RPE65: variants seen among roughly 807,000 people sequenced by gnomAD.
RPE65 encodes retinoid isomerohydrolase RPE65, also known as retinoid isomerohydrolase.
RPE65 carries 58 observed loss-of-function variants against 68.5 expected under a neutral mutation model. The observed-to-expected ratio is 0.85, with a 90% confidence interval of 0.69 to 1.05. The LOEUF is 1.05. Ranked by LOEUF, RPE65 falls within the 50% of genes least tolerant of loss-of-function variation. The pLI is 0.00. For synonymous variants in RPE65, 220 were observed against 222.2 expected (o/e 0.99, Z 0.09); for missense variants, 643 against 629.9 (o/e 1.02, Z -0.22).
At chr1:68,437,111 G>T (rs1007423689) in intron 10 of RPE65, among the ~76,000 whole-genome samples, 3 of 152,106 alleles carry the variant, frequency 2.0e-5, no homozygotes, top group African/African-American at 7.2e-5. Context: ...ATCTAATCAT[G>T]TCCTAAAATA....
chr1:68,440,889 C>G lies in RPE65; in HGVS notation c.607G>C (p.Ala203Pro). 6.2e-7 allele frequency: 1 copy of G among 1,613,956 alleles called. No individual in the cohort carries two copies. The highest frequency in any genetic ancestry group is 8.5e-7 in the Non-Finnish European group (1 of 1,179,912). ...GGTGGGATCTTTACAATGTTGTAGG[C>G]AATTGAAAAATTTTTTCCAAAGCAA... ...GNCFGKNFSI[A>P]YNIVKIPPLQ... Residue 203 changes from alanine (A) to proline (P), a missense_variant, in exon 6 of 14, where the codon GCC (alanine) becomes CCC (proline). Ala to Pro is a conservative substitution (Grantham distance 27). Transcript: ENST00000262340.
At chr1:68,439,380 CA>C in intron 7 of RPE65, 57 bp from the exon 8 acceptor site, 1 of 1,608,770 alleles carries the variant, frequency 6.2e-7, no homozygotes, top group Admixed American at 1.7e-5. Context: ...AAGCCACAGA[CA>C]AATTTGTATA....
chr1:68,439,394 T>C, intron 7 of RPE65, 71 bp from the exon 8 acceptor site: 1 of 1,600,572 alleles, frequency 6.2e-7, no homozygotes, highest in Non-Finnish European at 8.5e-7. Flanking sequence ...TTTGTATATA[T>C]GTGGTATGCT....
At chr1:68,439,743 A>T in intron 6 of RPE65, 101 bp from the exon 7 acceptor site, 1 of 923,966 alleles carries the variant, frequency 1.1e-6, no homozygotes, top group Non-Finnish European at 1.7e-6. Flanking sequence ...ACACATTTTG[A>T]TTGTTTTAGA....
At position 68,429,122 on chromosome 1, in the gene RPE65, C is replaced by A. The variant is rs1487301982; in HGVS notation, c.*654G>T. The A allele has an allele frequency of 6.6e-6, 1 of 152,114 alleles. No individual in the cohort carries two copies. The highest frequency in any genetic ancestry group is 1.5e-5 in the Non-Finnish European group (1 of 68,078). The allele number at this position is 152,114 out of a possible 1,614,324, so 9.4% of individuals were successfully genotyped here. The stretch of plus-strand genomic sequence containing the variant: ...ATAAGCTTTTAATATATAACTTAAT[C>A]TCTGAGATGTTATTTGGTTGAGAGG... On this transcript the variant is annotated 3_prime_UTR_variant, in exon 14 of 14. Coordinates refer to ENST00000262340, the MANE Select transcript of RPE65 (RefSeq NM_000329.3).
Position 68,438,183 on chromosome 1 carries a change from T to G in RPE65, c.1128+4A>C, listed in dbSNP as rs1557599340. The G allele has an allele frequency of 6.2e-7, 1 of 1,613,822 alleles. No individual in the cohort carries two copies. Among genetic ancestry groups the G allele is most frequent in the East Asian group, 2.2e-5 (1 of 44,836 alleles). On this transcript the variant is annotated splice_donor_region_variant and intron_variant, in intron 10 of 13. Transcript: ENST00000262340. The stretch of plus-strand genomic sequence containing the variant: ...AATCTGAAATCTACAGAGAAGCAGG[T>G]TACCTTGTCAATATTCAAAGGAAGT...
chr1:68,438,826 T>C, intron 9 of RPE65, 116 bp downstream of exon 9: 1 of 1,302,594 alleles, frequency 7.7e-7, no homozygotes, highest in Non-Finnish European at 1.1e-6. Context: ...TTTTTGACTC[T>C]CACATAACTC....
intron 9 of RPE65, 39 bp downstream of exon 9, chr1:68,438,903 C>T: frequency 6.2e-7 from 1 of 1,612,222 alleles, no homozygotes; most frequent in Non-Finnish European, 8.5e-7. Flanking sequence ...TTTCCAGGAA[C>T]AATGGGAGGT....
rs549944476 is a variant in RPE65, at chr1:68,441,532, G to T, written c.496-532C>A. On this transcript the variant is annotated intron_variant, in intron 5 of 13. Coordinates refer to ENST00000262340, the MANE Select transcript of RPE65 (RefSeq NM_000329.3). Reference sequence around the variant, plus strand: ...TTAAATAGACTTTAGGAGAACCATGGATCTCTTTTAATTAAATATAAACAT... The same window carrying T: ...TTAAATAGACTTTAGGAGAACCATGTATCTCTTTTAATTAAATATAAACAT... 1.0e-3 allele frequency among the ~76,000 whole-genome samples: 153 copies of T among 151,932 alleles called. 1 individual carries two copies. The highest frequency in any genetic ancestry group is 1.7e-3 in the Non-Finnish European group (118 of 67,974).
At chr1:68,430,098 T>C (rs901407499) in intron 13 of RPE65, among the ~76,000 whole-genome samples, 171 bp from the exon 14 acceptor site, 1 of 152,182 alleles carries the variant, frequency 6.6e-6, no homozygotes, top group African/African-American at 2.4e-5. Flanking sequence ...CCTAAAGAGG[T>C]CTTTTAAACT....
chr1:68,441,023 CT>C, intron 5 of RPE65, 23 bp from the exon 6 acceptor site: 1 of 1,613,320 alleles, frequency 6.2e-7, no homozygotes, highest in South Asian at 1.1e-5. Context: ...AGTGAATGTC[CT>C]CCAGTTGAGA....
At chr1:68,440,705 G>T (rs995724475) in intron 6 of RPE65, 148 bp downstream of exon 6, 8 of 973,144 alleles carry the variant, frequency 8.2e-6, no homozygotes, top group Non-Finnish European at 9.3e-6. Flanking sequence ...CCCTTATAGG[G>T]TAGGGATGAG....
rs759083163 is a variant in RPE65, at chr1:68,438,207, G to T, written c.1108C>A (p.Leu370Ile). The change falls in exon 10 of 14, where the codon CTT becomes ATT. Residue 370 changes from leucine (L) to isoleucine (I), a missense_variant. Coordinates refer to ENST00000262340, the MANE Select transcript of RPE65 (RefSeq NM_000329.3). ...GTTACCTTGTCAATATTCAAAGGAA[G>T]TACATATCTCCTAACTTCAGGTTGG... The part of the protein sequence containing the change: ...APQPEVRRYV[L>I]PLNIDKADTG... 1 of 1,613,934 alleles carries T rather than the reference G, an allele frequency of 6.2e-7. No homozygotes were observed. Among genetic ancestry groups the T allele is most frequent in the South Asian group, 1.1e-5 (1 of 91,078 alleles).
At chr1:68,449,840 A>G in intron 1 of RPE65, 55 bp downstream of exon 1, 1 of 1,589,952 alleles carries the variant, frequency 6.3e-7, no homozygotes, top group Non-Finnish European at 8.6e-7. Flanking sequence ...TTGAAATAGC[A>G]CATTTATCAT....
intron 13 of RPE65, among the ~76,000 whole-genome samples, chr1:68,430,163 T>A (rs1645815878): frequency 6.6e-6 from 1 of 152,200 alleles, no homozygotes; most frequent in Non-Finnish European, 1.5e-5. Flanking sequence ...CTTGTCTGTC[T>A]TGCTCACTGC....
intron 5 of RPE65, 103 bp downstream of exon 5, chr1:68,444,428 C>A: frequency 6.9e-7 from 1 of 1,445,612 alleles, no homozygotes; most frequent in Non-Finnish European, 9.7e-7. Context: ...TGTGTGTCCT[C>A]ATCAAGTTAG....
Position 68,439,036 on chromosome 1 carries a change from T to A in RPE65, c.904A>T (p.Asn302Tyr). 1 of 1,614,112 alleles carries A rather than the reference T, an allele frequency of 6.2e-7. No individual in the cohort carries two copies. Among genetic ancestry groups the A allele is most frequent in the Non-Finnish European group, 8.5e-7 (1 of 1,179,984 alleles). ...ADKKRKKYLN[N>Y]KYRTSPFNLF... ...TTGAAAGGAGAAGTTCTGTATTTATTATTGAGGTACTTTTTCCTTTTTTTG... is the reference window on the plus strand; with the variant it reads ...TTGAAAGGAGAAGTTCTGTATTTATAATTGAGGTACTTTTTCCTTTTTTTG... Residue 302 changes from asparagine (N) to tyrosine (Y), a missense_variant, in exon 9 of 14, where the codon AAT becomes TAT. Physicochemically the swap from Asn to Tyr is moderately radical, Grantham distance 143 (BLOSUM62 -2). Transcript: ENST00000262340.
intron 10 of RPE65, among the ~76,000 whole-genome samples, chr1:68,432,016 T>C (rs1276616810): frequency 1.3e-5 from 2 of 151,650 alleles, no homozygotes; most frequent in African/African-American, 4.8e-5. Context: ...ACGTAGAATA[T>C]GTTTTGATTT....
chr1:68,430,152 T>C (rs530823029), intron 13 of RPE65, among the ~76,000 whole-genome samples: 3 of 151,960 alleles, frequency 2.0e-5, no homozygotes, highest in African/African-American at 7.3e-5. Flanking sequence ...GAAGGGAGAG[T>C]CTTGTCTGTC....
Sources: allele counts gnomAD v4.1 joint callset (sites outside exome capture counted in the v4.1 genomes callset), GRCh38; gene constraint gnomAD v4.1.1; transcripts MANE v1.5; gene names NCBI Gene and HGNC (gene_info 2026-07-23, HGNC 2026-07-21).